The following ZFP91 variants were observed in gnomAD, a reference collection of about 807,000 sequenced individuals.
ZFP91 encodes the protein ZFP91 zinc finger protein, atypical E3 ubiquitin ligase, also known as E3 ubiquitin-protein ligase ZFP91.
Under a neutral mutation model 63.5 loss-of-function variants are expected in ZFP91, and 7 were observed. The observed-to-expected ratio is 0.11, with a 90% CI of 0.06 to 0.21. ZFP91 has a LOEUF of 0.21. Among genes scored for constraint, ZFP91 ranks in the 10% least tolerant of loss-of-function variants. The pLI is 1.00. For synonymous variants in ZFP91, 330 were observed against 272.1 expected (o/e 1.21, Z -2.10); for missense variants, 628 against 736.6 (o/e 0.85, Z 1.71).
chr11:58,579,512 C>A lies in ZFP91; in HGVS notation c.231C>A (p.Pro77=), dbSNP rs915860892. ...CCCGCCGGAGGAAGGCCGAGTATCC[C>A]CGCCGGCGGAGGAGCAGCCCCAGCG... is the stretch of plus-strand genomic sequence containing the variant. ...AVSRRRKAEY[P]RRRRSSPSAR... Residue 77 remains proline, a synonymous_variant, in exon 1 of 11, where the codon CCC becomes CCA. Coordinates refer to ENST00000316059, the MANE Select transcript of ZFP91 (RefSeq NM_053023.5). 1.3e-6 allele frequency: 2 copies of A among 1,551,674 alleles called. No individual in the cohort carries two copies. Among genetic ancestry groups the A allele is most frequent in the Non-Finnish European group, 1.7e-6 (2 of 1,154,532 alleles).
At chr11:58,593,245 C>G (rs761447097) in intron 2 of ZFP91, among the ~76,000 whole-genome samples, 16 of 152,190 alleles carry the variant, frequency 1.1e-4, no homozygotes, top group Non-Finnish European at 2.2e-4. Flanking sequence ...GAATGAAACT[C>G]TAAGTTTATC....
intron 1 of ZFP91, among the ~76,000 whole-genome samples, chr11:58,581,456 C>T (rs926419653): frequency 2.0e-5 from 3 of 152,160 alleles, no homozygotes; most frequent in Non-Finnish European, 4.4e-5. Context: ...CGCCTCCTGG[C>T]TTCAAGCAAT....
intron 2 of ZFP91, among the ~76,000 whole-genome samples, chr11:58,606,956 T>C (rs544723340): frequency 5.9e-5 from 9 of 151,866 alleles, no homozygotes; most frequent in Non-Finnish European, 1.0e-4. Context: ...TTTTTAAGAC[T>C]AGATTTTTAG....
chr11:58,585,055 A>C (rs922019666), intron 2 of ZFP91, among the ~76,000 whole-genome samples, 171 bp downstream of exon 2: 1 of 152,188 alleles, frequency 6.6e-6, no homozygotes, highest in East Asian at 1.9e-4. Context: ...AATAGAGTAT[A>C]TTGGCATTAT....
At position 58,620,896 on chromosome 11, in the gene ZFP91, C is replaced by T. The variant is rs1001799970; in HGVS notation, c.*3190C>T. The T allele has an allele frequency of 1.3e-5, 2 of 152,368 alleles. No homozygotes were observed. Among genetic ancestry groups the T allele is most frequent in the African/African-American group, 4.8e-5 (2 of 41,372 alleles). 9.4% of individuals were successfully genotyped at this position (152,368 alleles called of 1,614,324 possible). On this transcript the variant is annotated 3_prime_UTR_variant, in exon 11 of 11. Transcript: ENST00000316059. ...CTTTCATGGGAGAGACAGGTAGTTA[C>T]CTGAATATAGGTTGAAAAGGTTATG...
intron 2 of ZFP91, among the ~76,000 whole-genome samples, chr11:58,597,177 G>A (rs1049292429): frequency 3.3e-5 from 5 of 152,080 alleles, no homozygotes; most frequent in African/African-American, 1.2e-4. Flanking sequence ...CCTTTTTGTT[G>A]TACCACCAAA....
rs1044154678 is a variant in ZFP91, at chr11:58,620,083, C to A, written c.*2377C>A. 1 of 152,202 alleles carries A rather than the reference C, an allele frequency of 6.6e-6. No homozygotes were observed. Among genetic ancestry groups the A allele is most frequent in the Non-Finnish European group, 1.5e-5 (1 of 68,030 alleles). The allele number at this position is 152,202 out of a possible 1,614,324, so 9.4% of individuals were successfully genotyped here. A position where few individuals can be genotyped will look rare whatever the true frequency, so the allele number is the denominator to read the frequency against. The stretch of plus-strand genomic sequence containing the variant: ...TACCGCTCTCCCAACAAAAAAACAA[C>A]TAGTTAGTTCTACTAATTAGAAACT... On this transcript the variant is annotated 3_prime_UTR_variant, in exon 11 of 11. Transcript: ENST00000316059.
chr11:58,580,913 A>G (rs11229535), intron 1 of ZFP91, among the ~76,000 whole-genome samples: 22,524 of 152,192 alleles, frequency 0.15, 1,877 homozygotes, highest in Middle Eastern at 0.2. Flanking sequence ...ATCTTACAAA[A>G]ATTTTATAGT....
chr11:58,610,374 G>T (rs772182629), intron 4 of ZFP91, 40 bp downstream of exon 4: 1 of 1,536,714 alleles, frequency 6.5e-7, no homozygotes, highest in Non-Finnish European at 8.8e-7. Context: ...AACCTTTGGG[G>T]ACATAGCATA....
intron 2 of ZFP91, among the ~76,000 whole-genome samples, chr11:58,587,393 A>G (rs1855229571): frequency 6.6e-6 from 1 of 152,220 alleles, no homozygotes; most frequent in Non-Finnish European, 1.5e-5. Flanking sequence ...CTAAGTTTAG[A>G]TGAAATGATA....
intron 2 of ZFP91, among the ~76,000 whole-genome samples, chr11:58,607,516 A>G (rs538479075): frequency 6.6e-6 from 1 of 152,272 alleles, no homozygotes; most frequent in African/African-American, 2.4e-5. Context: ...TGATGCAATA[A>G]TGAATGGAAA....
intron 2 of ZFP91, among the ~76,000 whole-genome samples, chr11:58,603,705 C>CA (rs1855527096): frequency 6.6e-6 from 1 of 152,214 alleles, no homozygotes; most frequent in Non-Finnish European, 1.5e-5. Context: ...CCAGTGGACT[C>CA]AGAGTACAAA....
chr11:58,585,044 T>C (rs1855182183), intron 2 of ZFP91, among the ~76,000 whole-genome samples, 160 bp downstream of exon 2: 1 of 152,176 alleles, frequency 6.6e-6, no homozygotes, highest in Admixed American at 6.5e-5. Flanking sequence ...CACGTTTGGA[T>C]AATAGAGTAT....
intron 2 of ZFP91, among the ~76,000 whole-genome samples, chr11:58,586,094 A>C (rs1369345520): frequency 6.6e-6 from 1 of 152,128 alleles, no homozygotes; most frequent in Non-Finnish European, 1.5e-5. Context: ...TCTGCCAAAA[A>C]TGGAAGGTCT....
intron 6 of ZFP91, 119 bp from the exon 7 acceptor site, chr11:58,612,159 C>G: frequency 1.0e-6 from 1 of 991,746 alleles, no homozygotes; most frequent in Non-Finnish European, 1.5e-6. Flanking sequence ...TTTATGTATT[C>G]TTGGTTATCC....
At chr11:58,597,824 T>C (rs980292537) in intron 2 of ZFP91, among the ~76,000 whole-genome samples, 3 of 152,214 alleles carry the variant, frequency 2.0e-5, no homozygotes, top group African/African-American at 7.2e-5. Flanking sequence ...CTCAACCTTC[T>C]ATGCTTATTA....
At chr11:58,604,616 T>C (rs188311557) in intron 2 of ZFP91, among the ~76,000 whole-genome samples, 6 of 152,360 alleles carry the variant, frequency 3.9e-5, no homozygotes, top group Non-Finnish European at 7.3e-5. Flanking sequence ...TGAACCTGTT[T>C]GTGTCTTTGG....
chr11:58,585,573 G>A (rs1855193289), intron 2 of ZFP91, among the ~76,000 whole-genome samples: 2 of 151,936 alleles, frequency 1.3e-5, no homozygotes, highest in South Asian at 4.1e-4. Flanking sequence ...ATACTTTTAG[G>A]CACATTTCTT....
chr11:58,620,143 AC>A lies in ZFP91; in HGVS notation c.*2440del, dbSNP rs1855823946. The A allele has an allele frequency of 6.6e-6, 1 of 152,126 alleles. No individual in the cohort carries two copies. The highest frequency in any genetic ancestry group is 2.4e-5 in the African/African-American group (1 of 41,444). 9.4% of individuals were successfully genotyped at this position (152,126 alleles called of 1,614,324 possible). A position where few individuals can be genotyped will look rare whatever the true frequency, so the allele number is the denominator to read the frequency against. On this transcript the variant is annotated 3_prime_UTR_variant, in exon 11 of 11. Transcript: ENST00000316059. ...TTTTCTTTTCTTTTAGGGGTCAAGG[AC>A]CCTCTTTATAGCTACCATTTGCCTA...
Sources: gnomAD v4.1 joint callset for allele counts (sites outside exome capture counted in the v4.1 genomes callset) on GRCh38, gnomAD v4.1.1 for gene constraint, MANE v1.5 for transcripts, NCBI Gene and HGNC (gene_info 2026-07-23, HGNC 2026-07-21) for gene names.